Variants in FSTL3 observed in about 807,000 individuals in gnomAD.
FSTL3 encodes the protein follistatin-related protein 3.
A neutral mutation model predicts 28.1 loss-of-function variants in FSTL3; 21 were observed. The observed-to-expected ratio is 0.75, with a 90% CI of 0.53 to 1.08. The LOEUF (loss-of-function observed/expected upper bound fraction) is 1.08. FSTL3 is among the 50% of genes least tolerant of loss of function. The pLI, the probability that FSTL3 is intolerant of heterozygous loss-of-function variation, is 0.00. For synonymous variants in FSTL3, 199 were observed against 164.2 expected, an observed-to-expected ratio of 1.21 and a Z score of -1.62; for missense variants, 400 against 380.9, an observed-to-expected ratio of 1.05 and a Z score of -0.42.
rs1220912329 is a variant in FSTL3, at chr19:680,474, CG to C, written c.494del (p.Gly165AlafsTer167). ...RGHPDLSVMY[R>X]GRCRKSCEHV... ...CCACCCGGACCTGAGCGTCATGTAC[CG>C]GGGCCGCTGCCGCAGTACGTGGGGG... On this transcript the variant is annotated frameshift_variant, in exon 3 of 5. Transcript: ENST00000166139. LOFTEE classifies it high-confidence loss of function. 1.6e-6 allele frequency: 2 copies of C among 1,238,092 alleles called. No homozygotes were observed. Among genetic ancestry groups the C allele is most frequent in the South Asian group, 3.1e-5 (1 of 31,754 alleles). 76.7% of individuals were successfully genotyped at this position (1,238,092 alleles called of 1,614,324 possible). A position where few individuals can be genotyped will look rare whatever the true frequency, so the allele number is the denominator to read the frequency against.
Position 681,654 on chromosome 19 carries a change from C to T in FSTL3, c.738C>T (p.Thr246=), listed in dbSNP as rs2031339008. Reference sequence around the variant, plus strand: ...TGCTCTTATCGACCCTTGCAGGCACCCCTGAGGAGCCGCCAGGTGGTGAGT... The same window carrying T: ...TGCTCTTATCGACCCTTGCAGGCACTCCTGAGGAGCCGCCAGGTGGTGAGT... ...GVRHAGSCAG[T]PEEPPGGESA... Residue 246 remains threonine, a synonymous_variant, in exon 5 of 5, where the codon ACC becomes ACT. Coordinates refer to ENST00000166139, the MANE Select transcript of FSTL3 (RefSeq NM_005860.3). The T allele has an allele frequency of 1.9e-6, 3 of 1,577,236 alleles. No individual in the cohort carries two copies. Among genetic ancestry groups the T allele is most frequent in the Non-Finnish European group, 2.6e-6 (3 of 1,161,748 alleles).
Position 677,832 on chromosome 19 carries a change from C to T in FSTL3, c.144C>T (p.Cys48=), listed in dbSNP as rs145464132. The T allele has an allele frequency of 5.0e-4, 811 of 1,612,186 alleles. No homozygotes were observed. The highest frequency in any genetic ancestry group is 6.6e-4 in the Non-Finnish European group (784 of 1,179,924). ...CWLQQGQEAT[C]SLVLQTDVTR... ...TCCAGCAGGGCCAGGAGGCCACCTG[C>T]AGCCTGGTGCTCCAGACTGATGTCA... The change falls in exon 2 of 5, where the codon TGC becomes TGT. Residue 48 remains cysteine (C), a synonymous_variant. Coordinates refer to ENST00000166139, the MANE Select transcript of FSTL3 (RefSeq NM_005860.3).
rs2031247325 is a variant in FSTL3, at chr19:677,960, A to G, written c.272A>G (p.His91Arg). Residue 91 changes from histidine to arginine, a missense_variant, in exon 2 of 5, where the codon CAC becomes CGC. Coordinates refer to ENST00000166139, the MANE Select transcript of FSTL3 (RefSeq NM_005860.3). ...CTCCTCGGCTTCTTGGGCCTTGTCC[A>G]CTGCCTTCCCTGCAAAGGTGAGACC... ...INLLGFLGLVHCLPCKDSCDG... is the reference protein window; with the variant it reads ...INLLGFLGLVRCLPCKDSCDG... The G allele has an allele frequency of 5.6e-6, 9 of 1,613,084 alleles. No individual in the cohort carries two copies. In the East Asian group the frequency reaches 2.0e-4, roughly 36 times the overall value.
intron 2 of FSTL3, 187 bp from the exon 3 acceptor site, chr19:680,087 C>T (rs945668398): frequency 2.2e-4 from 70 of 317,168 alleles, no homozygotes; most frequent in Non-Finnish European, 2.3e-5. Context: ...CCACCGGTCC[C>T]GCGCCCGGAC....
chr19:677,925 C>T lies in FSTL3; in HGVS notation c.237C>T (p.Asn79=). The change falls in exon 2 of 5, where the codon AAC becomes AAT. Residue 79 remains asparagine (N), a synonymous_variant. Coordinates refer to ENST00000166139, the MANE Select transcript of FSTL3 (RefSeq NM_005860.3). ...TAWSNLTHPG[N]KINLLGFLGL... ...GGTCCAACCTCACCCACCCGGGGAA[C>T]AAGATCAACCTCCTCGGCTTCTTGG... The T allele has an allele frequency of 4.3e-6, 7 of 1,613,670 alleles. No individual in the cohort carries two copies. The highest frequency in any genetic ancestry group is 5.9e-6 in the Non-Finnish European group (7 of 1,180,008).
chr19:677,691 C>A, intron 1 of FSTL3, 101 bp from the exon 2 acceptor site: 1 of 1,156,366 alleles, frequency 8.6e-7, no homozygotes, highest in Non-Finnish European at 1.2e-6. Context: ...GTAGATCATT[C>A]CGTGCGTAAC....
rs780465189 is a variant in FSTL3, at chr19:681,724, C to G, written c.*16C>G. 1 of 1,549,878 alleles carries G rather than the reference C, an allele frequency of 6.5e-7. No homozygotes were observed. The highest frequency in any genetic ancestry group is 1.2e-5 in the South Asian group (1 of 84,290). ...CTTCGTGTGAGCCTGCAGGACAGGC[C>G]TGGGCCTGGTGCCCGAGGCCCCCCA... On this transcript the variant is annotated 3_prime_UTR_variant, in exon 5 of 5. Transcript: ENST00000166139.
At chr19:676,995 A>C (rs2031226386) in intron 1 of FSTL3, among the ~76,000 whole-genome samples, 1 of 151,924 alleles carries the variant, frequency 6.6e-6, no homozygotes, top group African/African-American at 2.4e-5. Flanking sequence ...GGAGTCTCAC[A>C]CCTGGGACTT....
At chr19:677,661 C>T in intron 1 of FSTL3, 131 bp from the exon 2 acceptor site, 1 of 897,500 alleles carries the variant, frequency 1.1e-6, no homozygotes, top group South Asian at 1.7e-5. Flanking sequence ...TGGTTTTCTG[C>T]CCCTTCTTCC....
chr19:680,220 C>A, intron 2 of FSTL3, 54 bp from the exon 3 acceptor site: 1 of 1,205,124 alleles, frequency 8.3e-7, no homozygotes, highest in Non-Finnish European at 1.1e-6. Flanking sequence ...TCGCGCGGCC[C>A]CACGCCCGGG....
intron 2 of FSTL3, 102 bp from the exon 3 acceptor site, chr19:680,172 G>A (rs1471351513): frequency 9.2e-6 from 6 of 655,310 alleles, no homozygotes; most frequent in Non-Finnish European, 1.3e-5. Flanking sequence ...CCCCGCCTCC[G>A]CCCTGCAGAA....
chr19:677,244 G>A (rs927849596), intron 1 of FSTL3, among the ~76,000 whole-genome samples: 2 of 151,840 alleles, frequency 1.3e-5, no homozygotes, highest in Non-Finnish European at 2.9e-5. Flanking sequence ...CTGCGCCAAA[G>A]GGAGAGCAGA....
chr19:678,483 G>A (rs1331858038), intron 2 of FSTL3, among the ~76,000 whole-genome samples: 2 of 145,966 alleles, frequency 1.4e-5, no homozygotes, highest in African/African-American at 2.5e-5. Context: ...AAGATTCTCC[G>A]CACTGGAGGA....
chr19:680,641 C>G, intron 3 of FSTL3, 152 bp downstream of exon 3: 1 of 206,350 alleles, frequency 4.8e-6, no homozygotes, highest in Non-Finnish European at 7.8e-6. Context: ...TACCGCAATG[C>G]GTGAGGGCCA....
At chr19:676,948 G>C (rs776147790) in intron 1 of FSTL3, among the ~76,000 whole-genome samples, 23 of 152,110 alleles carry the variant, frequency 1.5e-4, no homozygotes, top group Non-Finnish European at 2.2e-4. Context: ...TCCAGCTGGG[G>C]CTGAGAGCTT....
intron 2 of FSTL3, 64 bp downstream of exon 2, chr19:678,041 G>A: frequency 6.7e-7 from 1 of 1,496,382 alleles, no homozygotes; most frequent in Non-Finnish European, 9.2e-7. Flanking sequence ...AACAGTCATG[G>A]TGGTCGAGGG....
chr19:676,450 C>G lies in FSTL3; in HGVS notation c.27C>G (p.Leu9=), dbSNP rs765556657. 4 of 1,212,490 alleles carry G rather than the reference C, an allele frequency of 3.3e-6. No individual in the cohort carries two copies. Among genetic ancestry groups the G allele is most frequent in the South Asian group, 6.9e-5 (2 of 28,900 alleles). 75.1% of individuals were successfully genotyped at this position (1,212,490 alleles called of 1,614,324 possible). ...TGCGTCCCGGGGCGCCAGGGCCACT[C>G]TGGCCTCTGCCCTGGGGGGCCCTGG... MRPGAPGP[L]WPLPWGALAW... is the part of the protein sequence containing the mutation. Residue 9 remains leucine (L), a synonymous_variant, in exon 1 of 5, where the codon CTC becomes CTG. Coordinates refer to ENST00000166139, the MANE Select transcript of FSTL3 (RefSeq NM_005860.3).
At chr19:678,500 T>TTTG in intron 2 of FSTL3, among the ~76,000 whole-genome samples, 1 of 45,850 alleles carries the variant, frequency 2.2e-5, no homozygotes, top group East Asian at 4.7e-4. Context: ...AGGATGATGG[T>TTTG]TTTTTTTTTT....
chr19:682,100 TTC>T lies in FSTL3; in HGVS notation c.*395_*396del. The T allele has an allele frequency of 2.5e-6, 1 of 401,478 alleles. No homozygotes were observed. Among genetic ancestry groups the T allele is most frequent in the East Asian group, 4.2e-5 (1 of 23,758 alleles). 24.9% of individuals were successfully genotyped at this position (401,478 alleles called of 1,614,324 possible). A position where few individuals can be genotyped will look rare whatever the true frequency, so the allele number is the denominator to read the frequency against. On this transcript the variant is annotated 3_prime_UTR_variant, in exon 5 of 5. Transcript: ENST00000166139. ...AATTCCTGAAGAGGCATGACTGCTTTTCTCAGCCCCAAGCCTCTAGTCTGGGT... is the reference window on the plus strand; with the variant it reads ...AATTCCTGAAGAGGCATGACTGCTTTTCAGCCCCAAGCCTCTAGTCTGGGT...
Sources: allele counts gnomAD v4.1 joint callset (sites outside exome capture counted in the v4.1 genomes callset), GRCh38; gene constraint gnomAD v4.1.1; transcripts MANE v1.5; gene names NCBI Gene and HGNC (gene_info 2026-07-23, HGNC 2026-07-21).